The following ZBBX variants were observed in gnomAD, a reference collection of about 807,000 sequenced individuals.
ZBBX encodes the protein zinc finger B-box domain containing, also known as zinc finger B-box domain-containing protein 1.
A neutral mutation model predicts 108.5 loss-of-function variants in ZBBX; 101 were observed. The observed-to-expected ratio is 0.93, with a 90% confidence interval of 0.79 to 1.10. ZBBX has a LOEUF of 1.10. Among genes scored for constraint, ZBBX ranks in the 50% least tolerant of loss-of-function variants. The probability of loss-of-function intolerance (pLI) is 0.00; values close to 1 mark genes in which losing one functional copy is unlikely to be tolerated. For synonymous variants in ZBBX, 356 were observed against 323.4 expected, an observed-to-expected ratio of 1.10 and a Z score of -1.08; for missense variants, 1,009 against 941.4, an observed-to-expected ratio of 1.07 and a Z score of -0.94.
At chr3:167,257,721 G>A (rs1723772314) in intron 20 of ZBBX, among the ~76,000 whole-genome samples, 1 of 152,112 alleles carries the variant, frequency 6.6e-6, no homozygotes, top group Admixed American at 6.5e-5. Context: ...GTATCACATT[G>A]TGGTTTTGAT....
the ZBBX span, among the ~76,000 whole-genome samples, chr3:167,231,760 T>G: frequency 7.2e-5 from 11 of 151,880 alleles, no homozygotes; most frequent in Middle Eastern, 6.8e-3. Flanking sequence ...AAACAAGTTT[T>G]CCCAAATCTG....
the ZBBX span, among the ~76,000 whole-genome samples, chr3:167,205,155 G>C: frequency 5.9e-5 from 9 of 152,150 alleles, no homozygotes; most frequent in East Asian, 1.7e-3. Context: ...GTTATGTAGG[G>C]TGCAATTTGA....
chr3:167,186,020 T>C, the ZBBX span, among the ~76,000 whole-genome samples: 1 of 152,052 alleles, frequency 6.6e-6, no homozygotes, highest in Non-Finnish European at 1.5e-5. Flanking sequence ...AGGAGATAAA[T>C]ACTTTATTTT....
chr3:167,381,091 C>A (rs1747683654), upstream of ZBBX, among the ~76,000 whole-genome samples: 2 of 152,054 alleles, frequency 1.3e-5, no homozygotes, highest in Admixed American at 1.3e-4. Context: ...CGGTACCAGA[C>A]TAACAATCCT....
the ZBBX span, among the ~76,000 whole-genome samples, chr3:167,186,364 T>G: frequency 7.2e-5 from 11 of 151,814 alleles, no homozygotes; most frequent in Admixed American, 6.6e-4. Flanking sequence ...GCTGCCATAG[T>G]GCTATGTACT....
intron 9 of ZBBX, among the ~76,000 whole-genome samples, chr3:167,338,080 A>G (rs1177113713): frequency 1.3e-5 from 2 of 152,164 alleles, no homozygotes; most frequent in Non-Finnish European, 2.9e-5. Flanking sequence ...GGCACATAGT[A>G]AATCATATAT....
At chr3:167,249,427 C>G (rs181495805) in intron 20 of ZBBX, among the ~76,000 whole-genome samples, 1 of 152,280 alleles carries the variant, frequency 6.6e-6, no homozygotes, top group Non-Finnish European at 1.5e-5. Flanking sequence ...GAGGATCCAG[C>G]TACCTCTGAC....
intron 21 of ZBBX, 23 bp downstream of exon 21, chr3:167,242,482 A>C (rs1206378495): frequency 6.3e-7 from 1 of 1,578,556 alleles, no homozygotes; most frequent in African/African-American, 1.4e-5. Flanking sequence ...TATATTAATA[A>C]ATAAACTGCA....
At chr3:167,358,819 C>T (rs571864157) in intron 8 of ZBBX, among the ~76,000 whole-genome samples, 5 of 151,042 alleles carry the variant, frequency 3.3e-5, no homozygotes, top group Non-Finnish European at 5.9e-5. Flanking sequence ...GCCTATAATC[C>T]CAGCTACTTG....
chr3:167,323,490 G>T (rs1736836586), intron 11 of ZBBX, among the ~76,000 whole-genome samples: 1 of 152,072 alleles, frequency 6.6e-6, no homozygotes, highest in Non-Finnish European at 1.5e-5. Flanking sequence ...AATAATATTT[G>T]CTGGGAGGAG....
At chr3:167,402,237 T>A (rs1748446768) in intron 1 of ZBBX, among the ~76,000 whole-genome samples, 2 of 152,158 alleles carry the variant, frequency 1.3e-5, no homozygotes, top group Non-Finnish European at 2.9e-5. Flanking sequence ...ATCTGCTGCA[T>A]CTCCCATATT....
the ZBBX span, among the ~76,000 whole-genome samples, chr3:167,231,987 C>T: frequency 6.6e-6 from 1 of 151,684 alleles, no homozygotes; most frequent in South Asian, 2.1e-4. Context: ...GAAGAAAATA[C>T]TATACAATGA....
the ZBBX span, among the ~76,000 whole-genome samples, chr3:167,228,191 T>C: frequency 1.4e-4 from 21 of 151,956 alleles, no homozygotes; most frequent in African/African-American, 4.6e-4. Context: ...GTAGAGTCAC[T>C]TCATATATTA....
the ZBBX span, among the ~76,000 whole-genome samples, chr3:167,189,492 CACAA>C: frequency 6.6e-6 from 1 of 152,246 alleles, no homozygotes; most frequent in South Asian, 2.1e-4. Flanking sequence ...CTCATGTGTA[CACAA>C]ACACACACAT....
At chr3:167,320,015 T>C (rs1346038812) in intron 12 of ZBBX, among the ~76,000 whole-genome samples, 3 of 151,530 alleles carry the variant, frequency 2.0e-5, no homozygotes, top group Admixed American at 1.3e-4. Flanking sequence ...TGTGTGTGTG[T>C]GTGCACGCAC....
intron 8 of ZBBX, among the ~76,000 whole-genome samples, chr3:167,358,247 A>G (rs1230429165): frequency 6.6e-6 from 1 of 152,094 alleles, no homozygotes; most frequent in African/African-American, 2.4e-5. Flanking sequence ...ATAAGCCTTG[A>G]GGATACTATG....
At chr3:167,291,750 C>T (rs1031615323) in intron 18 of ZBBX, among the ~76,000 whole-genome samples, 1 of 152,146 alleles carries the variant, frequency 6.6e-6, no homozygotes, top group African/African-American at 2.4e-5. Flanking sequence ...AATTAAAAGA[C>T]ACAGACTCAC....
chr3:167,336,551 A>G (rs1202796303), intron 9 of ZBBX, among the ~76,000 whole-genome samples: 1 of 152,202 alleles, frequency 6.6e-6, no homozygotes, highest in African/African-American at 2.4e-5. Context: ...TTTCAAGTTC[A>G]GAAAGCTTAG....
Position 167,242,576 on chromosome 3 carries a change from A to G in ZBBX, c.2322T>C (p.Asn774=), listed in dbSNP as rs1720872155. 6.2e-7 allele frequency: 1 copy of G among 1,613,808 alleles called. No homozygotes were observed. Among genetic ancestry groups the G allele is most frequent in the Admixed American group, 1.7e-5 (1 of 60,016 alleles). Residue 774 remains asparagine (N), a synonymous_variant, in exon 21 of 22, where the codon AAT becomes AAC. Coordinates refer to ENST00000675490, the MANE Select transcript of ZBBX (RefSeq NM_001199201.2). ...GGAAATCTGTGGAAATCTGACTTAT[A>G]TTCAGTGATTGGCTGCTGAAATCTG... ...EFPDFSSQSL[N]ISQISTDFLK...
Sources: allele counts gnomAD v4.1 joint callset (sites outside exome capture counted in the v4.1 genomes callset), GRCh38; gene constraint gnomAD v4.1.1; transcripts MANE v1.5; gene names NCBI Gene and HGNC (gene_info 2026-07-23, HGNC 2026-07-21).